ALK: variants seen among roughly 807,000 people sequenced by gnomAD.
The protein encoded by ALK is ALK tyrosine kinase receptor.
In ALK, 74 loss-of-function variants were observed where a neutral mutation model predicts 163.1. The observed-to-expected ratio is 0.45, with a 90% CI of 0.38 to 0.55. The LOEUF is 0.55. Ranked by LOEUF, ALK falls within the 20% of genes least tolerant of loss-of-function variation. The pLI, the probability that ALK is intolerant of heterozygous loss-of-function variation, is 0.00. For synonymous variants in ALK, 960 were observed against 843.2 expected, an observed-to-expected ratio of 1.14 and a Z score of -2.40; for missense variants, 2,063 against 2,105.3, an observed-to-expected ratio of 0.98 and a Z score of 0.39.
In ALK at chr2:29,246,239, GA is replaced by G. The variant is rs1165440833; in HGVS notation, c.2204+4865del. ...GGAGGGGGAGAGAGGGAAGAAGGAG[GA>G]AAGAAGTCAGGGAGAGAGAGGGGGC... is the stretch of plus-strand genomic sequence containing the variant. On this transcript the variant is annotated intron_variant, in intron 12 of 28. Transcript: ENST00000389048. This position sits in a 1 kb window ranked among gnomAD's most constrained non-coding sequence, Gnocchi z 4.3. Among the ~76,000 whole-genome samples, 5 of 151,088 alleles carry G rather than the reference GA, an allele frequency of 3.3e-5. No individual in the cohort carries two copies. Among genetic ancestry groups the G allele is most frequent in the Admixed American group, 1.3e-4 (2 of 15,184 alleles).
chr2:29,789,606 C>T (rs1558489201), intron 1 of ALK, among the ~76,000 whole-genome samples: 1 of 152,160 alleles, frequency 6.6e-6, no homozygotes, highest in Non-Finnish European at 1.5e-5. Context: ...CTGTCATAAA[C>T]CAAACTGTAT....
intron 12 of ALK, 34 bp downstream of exon 12, chr2:29,251,071 G>T (rs1304390006): frequency 1.9e-6 from 3 of 1,608,124 alleles, no homozygotes; most frequent in Non-Finnish European, 2.5e-6. Context: ...GGAAGGGGTG[G>T]TCTGCCCCTC....
At chr2:29,657,119 C>T (rs1484747924) in intron 3 of ALK, among the ~76,000 whole-genome samples, 1 of 152,102 alleles carries the variant, frequency 6.6e-6, no homozygotes, top group African/African-American at 2.4e-5. Context: ...CCCTGCCACC[C>T]ACTTCTTGGT....
chr2:29,887,625 AT>A (rs1423255373), intron 1 of ALK, among the ~76,000 whole-genome samples: 3 of 152,160 alleles, frequency 2.0e-5, no homozygotes, highest in Non-Finnish European at 4.4e-5. Flanking sequence ...CAAAGTGCAG[AT>A]TCTGGTTGGG....
chr2:29,235,659 T>G (rs937729018), intron 13 of ALK, among the ~76,000 whole-genome samples: 5 of 151,998 alleles, frequency 3.3e-5, no homozygotes, highest in African/African-American at 9.7e-5. Context: ...GGATGTGAGC[T>G]GTCAGCTGGG....
chr2:29,338,785 C>T (rs527402173), intron 5 of ALK, among the ~76,000 whole-genome samples: 5 of 152,326 alleles, frequency 3.3e-5, no homozygotes, highest in Admixed American at 6.5e-5. Context: ...ACCAGATCAC[C>T]GAGTTTCAGT....
intron 2 of ALK, among the ~76,000 whole-genome samples, chr2:29,714,880 T>A (rs1055030047): frequency 6.6e-6 from 1 of 152,182 alleles, no homozygotes. Flanking sequence ...CCCACCAACA[T>A]CCTTAAGGGG....
At chr2:29,891,162 G>C (rs1401630913) in intron 1 of ALK, among the ~76,000 whole-genome samples, 1 of 152,220 alleles carries the variant, frequency 6.6e-6, no homozygotes, top group Non-Finnish European at 1.5e-5. Context: ...AGAGGAAAAA[G>C]AGGGGCCTTC....
Position 29,419,994 on chromosome 2 carries a change from A to G in ALK, c.1155-36135T>C, listed in dbSNP as rs925665247. The stretch of plus-strand genomic sequence containing the variant: ...GGCAACATGGCAAAACCCTGCCTAT[A>G]CTGAAAATACAAAAATTAGCTGGGC... On this transcript the variant is annotated intron_variant, in intron 4 of 28. Coordinates refer to ENST00000389048, the MANE Select transcript of ALK (RefSeq NM_004304.5). Among the ~76,000 whole-genome samples, 14 of 151,056 alleles carry G rather than the reference A, an allele frequency of 9.3e-5. 1 individual carries two copies. Among genetic ancestry groups the G allele is most frequent in the African/African-American group, 3.5e-4 (14 of 40,460 alleles).
At chr2:29,238,115 C>T (rs1217682898) in intron 13 of ALK, among the ~76,000 whole-genome samples, 1 of 152,188 alleles carries the variant, frequency 6.6e-6, no homozygotes, top group African/African-American at 2.4e-5. Flanking sequence ...TGGCCGGGTA[C>T]ATAGAAGGGC....
At chr2:29,900,389 C>G (rs1667381394) in intron 1 of ALK, among the ~76,000 whole-genome samples, 1 of 152,244 alleles carries the variant, frequency 6.6e-6, no homozygotes, top group South Asian at 2.1e-4. Context: ...ATCAAGCTGT[C>G]ACTTTGTATA....
chr2:29,682,537 T>G (rs1402249570), intron 3 of ALK, among the ~76,000 whole-genome samples: 1 of 152,156 alleles, frequency 6.6e-6, no homozygotes, highest in Non-Finnish European at 1.5e-5. Flanking sequence ...ATGAATTCCT[T>G]TTGGGTATCA....
At chr2:29,234,337 T>G (rs1047783125) in intron 13 of ALK, among the ~76,000 whole-genome samples, 1 of 152,154 alleles carries the variant, frequency 6.6e-6, no homozygotes, top group Non-Finnish European at 1.5e-5. Context: ...TCATTCTCTA[T>G]GAGAGCCGTT....
intron 4 of ALK, among the ~76,000 whole-genome samples, chr2:29,402,028 C>G (rs777813767): frequency 6.6e-6 from 1 of 152,206 alleles, no homozygotes; most frequent in Non-Finnish European, 1.5e-5. Flanking sequence ...GTGGGAACCG[C>G]AGGTTAGAGT....
intron 7 of ALK, among the ~76,000 whole-genome samples, 185 bp from the exon 8 acceptor site, chr2:29,318,589 C>CA (rs1403880067): frequency 2.0e-5 from 3 of 148,422 alleles, no homozygotes; most frequent in Non-Finnish European, 4.5e-5. Flanking sequence ...TTTTTTGAGA[C>CA]AGAGTCTTGC....
At chr2:29,543,550 G>A (rs966294191) in intron 3 of ALK, among the ~76,000 whole-genome samples, 5 of 152,180 alleles carry the variant, frequency 3.3e-5, no homozygotes, top group African/African-American at 1.2e-4. Context: ...CTAGCCCTAT[G>A]GTTAAGCATC....
chr2:29,294,621 A>C (rs1262178175), intron 9 of ALK, among the ~76,000 whole-genome samples: 1 of 152,222 alleles, frequency 6.6e-6, no homozygotes, highest in African/African-American at 2.4e-5. Flanking sequence ...ACTGAGGCCA[A>C]ATAACTGAAA....
At chr2:29,237,069 T>C (rs1285904503) in intron 13 of ALK, among the ~76,000 whole-genome samples, 2 of 152,244 alleles carry the variant, frequency 1.3e-5, no homozygotes, top group African/African-American at 4.8e-5. Context: ...GCACAATTTT[T>C]GGAGTCATCC....
chr2:29,427,013 T>C (rs6732828), intron 4 of ALK, among the ~76,000 whole-genome samples: 3,117 of 99,212 alleles, frequency 0.031, 159 homozygotes, highest in African/African-American at 0.11. Flanking sequence ...CACTCCAGCC[T>C]GGCAAAAGAG....
Sources: gnomAD v4.1 joint callset for allele counts (sites outside exome capture counted in the v4.1 genomes callset) on GRCh38, gnomAD v4.1.1 for gene constraint, Gnocchi (gnomAD v3.1) non-coding constraint, MANE v1.5 for transcripts, NCBI Gene and HGNC (gene_info 2026-07-23, HGNC 2026-07-21) for gene names.